The following KLK3 variants were observed in gnomAD, a reference collection of about 807,000 sequenced individuals.
KLK3 encodes the protein prostate-specific antigen.
A neutral mutation model predicts 27.7 loss-of-function variants in KLK3; 23 were observed. The ratio of observed to expected loss-of-function variants is 0.83; its 90% CI spans 0.60 to 1.17. The LOEUF is 1.17. Ranked by LOEUF, KLK3 falls within the 50% of genes most tolerant of loss-of-function variation. KLK3 has a pLI of 0.00. For synonymous variants in KLK3, 142 were observed against 134.2 expected, an observed-to-expected ratio of 1.06 and a Z score of -0.40; for missense variants, 322 against 338.1, an observed-to-expected ratio of 0.95 and a Z score of 0.37.
chr19:50,855,089 C>G (rs770454989), intron 1 of KLK3, 88 bp downstream of exon 1: 1 of 1,369,056 alleles, frequency 7.3e-7, no homozygotes, highest in Non-Finnish European at 1.0e-6. Flanking sequence ...ACCCAGCACC[C>G]CAGCCCAGAC....
intron 2 of KLK3, chr19:50,857,701 T>C: frequency 4.2e-6 from 1 of 237,816 alleles, no homozygotes; most frequent in East Asian, 9.1e-5. Context: ...TCTGTTTCTC[T>C]ATGTTTCTGT....
intron 2 of KLK3, 116 bp from the exon 3 acceptor site, chr19:50,857,913 C>T (rs532486399): frequency 6.1e-6 from 7 of 1,150,290 alleles, no homozygotes; most frequent in Non-Finnish European, 8.4e-6. Context: ...CTTCCCCAAC[C>T]CTGTGTTTTT....
Position 50,860,547 on chromosome 19 carries a change from C to T in KLK3, c.*420C>T, listed in dbSNP as rs1803134. The T allele has an allele frequency of 1.3e-5, 2 of 155,460 alleles. No individual in the cohort carries two copies. Among genetic ancestry groups the T allele is most frequent in the South Asian group, 4.1e-4 (2 of 4,930 alleles). The allele number at this position is 155,460 out of a possible 1,614,324, so 9.6% of individuals were successfully genotyped here. ...GCAAGGATGGAGCTGAAAACATAACCCACTCTGTCCTGGAGGCACTGGGAA... is the reference window on the plus strand; with the variant it reads ...GCAAGGATGGAGCTGAAAACATAACTCACTCTGTCCTGGAGGCACTGGGAA... On this transcript the variant is annotated 3_prime_UTR_variant, in exon 5 of 5. Transcript: ENST00000326003.
rs1356076264 is a variant in KLK3, at chr19:50,859,780, G to A, written c.631-192G>A. 27 of 1,470,812 alleles carry A rather than the reference G, an allele frequency of 1.8e-5. 1 individual carries two copies. The South Asian group carries it at 3.6e-4, about 20-fold the overall frequency. The allele number at this position is 1,470,812 out of a possible 1,614,324, so 91.1% of individuals were successfully genotyped here. ...CTGAAGTCCCTTCCCCACCGGCCAG[G>A]ACTGGAGCCCCTACCCCTCTGTTGG... On this transcript the variant is annotated intron_variant, in intron 4 of 4. Coordinates refer to ENST00000326003, the MANE Select transcript of KLK3 (RefSeq NM_001648.2).
At chr19:50,856,176 C>T in intron 1 of KLK3, 64 bp from the exon 2 acceptor site, 1 of 1,456,592 alleles carries the variant, frequency 6.9e-7, no homozygotes, top group Non-Finnish European at 9.5e-7. Context: ...AATCCATCTC[C>T]TATCCGAGTC....
intron 4 of KLK3, chr19:50,859,653 G>C (rs1283444138): frequency 6.2e-7 from 1 of 1,607,964 alleles, no homozygotes; most frequent in Non-Finnish European, 8.5e-7. Context: ...TCTGTGAGGA[G>C]CCACGGGGAC....
At chr19:50,858,774 T>C in intron 4 of KLK3, 179 bp downstream of exon 4, 1 of 671,988 alleles carries the variant, frequency 1.5e-6, no homozygotes, top group Non-Finnish European at 2.5e-6. Context: ...CTCAAGGCAA[T>C]AGGTTATTCT....
intron 2 of KLK3, 132 bp from the exon 3 acceptor site, chr19:50,857,897 C>T: frequency 1.0e-6 from 1 of 974,994 alleles, no homozygotes; most frequent in East Asian, 2.6e-5. Context: ...TTGGCCTGAA[C>T]TGTGTCTTCC....
At position 50,858,056 on chromosome 19, in the gene KLK3, C is replaced by G. The variant is rs768134516; in HGVS notation, c.234C>G (p.His78Gln). 4.3e-6 allele frequency: 7 copies of G among 1,612,964 alleles called. No homozygotes were observed. The African/African-American group carries it at 5.3e-5, about 12-fold the overall frequency. The stretch of plus-strand genomic sequence containing the variant: ...AAAGCGTGATCTTGCTGGGTCGGCA[C>G]AGCCTGTTTCATCCTGAAGACACAG... Reference protein sequence around the residue: ...RNKSVILLGRHSLFHPEDTGQ... With the variant: ...RNKSVILLGRQSLFHPEDTGQ... The change falls in exon 3 of 5, where the codon CAC (histidine) becomes CAG (glutamine). Residue 78 changes from histidine (H) to glutamine (Q), a missense_variant. Physicochemically the swap from His to Gln is conservative, Grantham distance 24 (BLOSUM62 0). Coordinates refer to ENST00000326003, the MANE Select transcript of KLK3 (RefSeq NM_001648.2).
rs955489755 is a variant in KLK3 at position 50,854,947 on chromosome 19, T to C, written c.-9T>C. 1 of 1,613,766 alleles carries C rather than the reference T, an allele frequency of 6.2e-7. No individual in the cohort carries two copies. Among genetic ancestry groups the C allele is most frequent in the Non-Finnish European group, 8.5e-7 (1 of 1,179,852 alleles). On this transcript the variant is annotated 5_prime_UTR_variant, in exon 1 of 5. Transcript: ENST00000326003. ...AGCTTACCACCTGCACCCGGAGAGC[T>C]GTGTCACCATGTGGGTCCCGGTTGT...
chr19:50,857,622 C>A, intron 2 of KLK3: 1 of 168,382 alleles, frequency 5.9e-6, no homozygotes, highest in Non-Finnish European at 1.3e-5. Flanking sequence ...TCCTGCTTCC[C>A]TTTCTCATTC....
chr19:50,858,245 G>T lies in KLK3; in HGVS notation c.423G>T (p.Leu141=), dbSNP rs2090161798. ...CGGATGCTGTGAAGGTCATGGACCT[G>T]CCCACCCAGGAGCCAGCACTGGGGA... ...ELTDAVKVMD[L]PTQEPALGTT... is the part of the protein sequence containing the mutation. Residue 141 remains leucine, a synonymous_variant, in exon 3 of 5, where the codon CTG becomes CTT. Coordinates refer to ENST00000326003, the MANE Select transcript of KLK3 (RefSeq NM_001648.2). 6.2e-7 allele frequency: 1 copy of T among 1,614,084 alleles called. No homozygotes were observed. Among genetic ancestry groups the T allele is most frequent in the African/African-American group, 1.3e-5 (1 of 74,934 alleles).
rs1256824754 is a variant in KLK3, at chr19:50,857,983, T to C, written c.207-46T>C. 2.6e-6 allele frequency: 4 copies of C among 1,558,114 alleles called. No individual in the cohort carries two copies. The Admixed American group carries it at 7.1e-5, about 27-fold the overall frequency. Reference sequence around the variant, plus strand: ...CTTGCTCCTCTGTCCCTTCTCTCTTTCCTTATCATCCTCGCTCCTCATTCC... The same window carrying C: ...CTTGCTCCTCTGTCCCTTCTCTCTTCCCTTATCATCCTCGCTCCTCATTCC... On this transcript the variant is annotated intron_variant, in intron 2 of 4. Transcript: ENST00000326003.
chr19:50,858,459 T>C lies in KLK3; in HGVS notation c.494T>C (p.Phe165Ser), dbSNP rs778191056. The C allele has an allele frequency of 2.1e-5, 34 of 1,614,070 alleles. No individual in the cohort carries two copies. Among genetic ancestry groups the C allele is most frequent in the Non-Finnish European group, 2.7e-5 (32 of 1,180,030 alleles). Residue 165 changes from phenylalanine to serine, a missense_variant and splice_region_variant, in exon 4 of 5, where the codon TTC becomes TCC. Phe to Ser is a radical substitution (Grantham distance 155). Coordinates refer to ENST00000326003, the MANE Select transcript of KLK3 (RefSeq NM_001648.2). ...AACAGTGTTTTTGCCTGGCCCGTAG[T>C]CTTGACCCCAAAGAAACTTCAGTGT... ...SGWGSIEPEE[F>S]LTPKKLQCVD...
At position 50,858,081 on chromosome 19, in the gene KLK3, G is replaced by A. The variant is rs138565183; in HGVS notation, c.259G>A (p.Gly87Ser). Residue 87 changes from glycine (G) to serine (S), a missense_variant, in exon 3 of 5, where the codon GGC becomes AGC. Physicochemically the swap from Gly to Ser is moderately conservative, Grantham distance 56. Coordinates refer to ENST00000326003, the MANE Select transcript of KLK3 (RefSeq NM_001648.2). ...RHSLFHPEDT[G>S]QVFQVSHSFP... ...CAGCCTGTTTCATCCTGAAGACACA[G>A]GCCAGGTATTTCAGGTCAGCCACAG... The A allele has an allele frequency of 3.1e-6, 5 of 1,613,920 alleles. 1 individual carries two copies. Among genetic ancestry groups the A allele is most frequent in the East Asian group, 4.5e-5 (2 of 44,870 alleles).
rs368321153 is a variant in KLK3, at chr19:50,857,951, C to G, written c.207-78C>G. Reference sequence around the variant, plus strand: ...CACTGTTTCTTTTTCTCTTTTGGAGCCTCCTCCTTGCTCCTCTGTCCCTTC... The same window carrying G: ...CACTGTTTCTTTTTCTCTTTTGGAGGCTCCTCCTTGCTCCTCTGTCCCTTC... On this transcript the variant is annotated intron_variant, in intron 2 of 4. Coordinates refer to ENST00000326003, the MANE Select transcript of KLK3 (RefSeq NM_001648.2). 4.4e-5 allele frequency: 63 copies of G among 1,429,170 alleles called. No individual in the cohort carries two copies. In the East Asian group the frequency reaches 1.2e-3, roughly 26 times the overall value. The allele number at this position is 1,429,170 out of a possible 1,614,324, so 88.5% of individuals were successfully genotyped here. A position where few individuals can be genotyped will look rare whatever the true frequency, so the allele number is the denominator to read the frequency against.
rs1016999993 is a variant in KLK3 at position 50,859,425 on chromosome 19, G to A, written c.631-547G>A. Reference sequence around the variant, plus strand: ...AGGGAGTGATGATGGGGCTGACCTGGGGGTGGCTCCAGGCATTGTCCCCAC... The same window carrying A: ...AGGGAGTGATGATGGGGCTGACCTGAGGGTGGCTCCAGGCATTGTCCCCAC... On this transcript the variant is annotated intron_variant, in intron 4 of 4. Transcript: ENST00000326003. 7.2e-6 allele frequency: 6 copies of A among 835,904 alleles called. No individual in the cohort carries two copies. In the Admixed American group the frequency reaches 9.3e-5, roughly 13 times the overall value. The allele number at this position is 835,904 out of a possible 1,614,324, so 51.8% of individuals were successfully genotyped here.
At chr19:50,859,712 G>A (rs964774418) in intron 4 of KLK3, 1 of 1,568,758 alleles carries the variant, frequency 6.4e-7, no homozygotes. Context: ...CTGTCTACAA[G>A]GACTGTCCTC....
In KLK3 at chr19:50,860,412, G is replaced by T; in HGVS notation, c.*285G>T. The stretch of plus-strand genomic sequence containing the variant: ...GTCTGTGTTATTTGTGGGGTACAGA[G>T]ATGAAAGAGGGGTGGGATCCACACT... On this transcript the variant is annotated 3_prime_UTR_variant, in exon 5 of 5. Coordinates refer to ENST00000326003, the MANE Select transcript of KLK3 (RefSeq NM_001648.2). The T allele has an allele frequency of 1.0e-5, 3 of 286,908 alleles. No individual in the cohort carries two copies. Among genetic ancestry groups the T allele is most frequent in the Non-Finnish European group, 1.3e-5 (2 of 151,878 alleles). The allele number at this position is 286,908 out of a possible 1,614,324, so 17.8% of individuals were successfully genotyped here.
Sources: gnomAD v4.1 joint callset for allele counts on GRCh38, gnomAD v4.1.1 for gene constraint, MANE v1.5 for transcripts, NCBI Gene and HGNC (gene_info 2026-07-23, HGNC 2026-07-21) for gene names.